Variants in ITGA2 observed in about 807,000 individuals in gnomAD.
The protein encoded by ITGA2 is integrin subunit alpha 2.
A neutral mutation model predicts 146.3 loss-of-function variants in ITGA2; 101 were observed. The observed-to-expected ratio is 0.69, with a 90% confidence interval of 0.59 to 0.81. The LOEUF (loss-of-function observed/expected upper bound fraction) is 0.81, where lower values mean the gene tolerates loss of function less well. Ranked by LOEUF, ITGA2 falls within the 40% of genes least tolerant of loss-of-function variation. ITGA2 has a pLI of 0.00. For synonymous variants in ITGA2, 477 were observed against 487.1 expected (o/e 0.98, Z 0.27); for missense variants, 1,281 against 1,402.7 (o/e 0.91, Z 1.39).
chr5:53,072,101 T>A, intron 18 of ITGA2, 53 bp downstream of exon 18: 1 of 1,216,276 alleles, frequency 8.2e-7, no homozygotes, highest in Non-Finnish European at 1.2e-6. Context: ...AGTTCCACAG[T>A]CACTGCAATA....
chr5:53,040,568 C>T (rs1014681219), intron 2 of ITGA2, among the ~76,000 whole-genome samples: 8 of 152,126 alleles, frequency 5.3e-5, no homozygotes, highest in Admixed American at 5.2e-4. Context: ...ACCTATCTGC[C>T]TGGTATTATT....
chr5:53,053,580 A>G (rs992502513), intron 7 of ITGA2, among the ~76,000 whole-genome samples: 1 of 152,164 alleles, frequency 6.6e-6, no homozygotes, highest in Non-Finnish European at 1.5e-5. Context: ...GACAATGGCC[A>G]CTGTCCATTG....
intron 1 of ITGA2, among the ~76,000 whole-genome samples, chr5:53,023,143 C>A (rs1227007334): frequency 1.3e-5 from 2 of 152,214 alleles, no homozygotes; most frequent in Non-Finnish European, 2.9e-5. Context: ...AAGATTTATA[C>A]TCTGGGTGAT....
At chr5:53,082,606 C>T (rs3212621) in intron 26 of ITGA2, among the ~76,000 whole-genome samples, 25,096 of 152,052 alleles carry the variant, frequency 0.17, 2,134 homozygotes, top group South Asian at 0.19. Flanking sequence ...CACACAGCCT[C>T]CCCCACTATC....
Position 53,070,239 on chromosome 5 carries a change from C to G in ITGA2, c.2214C>G (p.Pro738=), listed in dbSNP as rs142557473. ...NMVVNQAQSC[P]EHIIYIQEPS... is the part of the protein sequence containing the mutation. The stretch of plus-strand genomic sequence containing the variant: ...TAGTAAATCAAGCACAGAGTTGCCC[C>G]GAGCACATCATTTATATACAGGTAA... Residue 738 remains proline, a synonymous_variant, in exon 17 of 30, where the codon CCC becomes CCG. Coordinates refer to ENST00000296585, the MANE Select transcript of ITGA2 (RefSeq NM_002203.4). 5 of 1,611,690 alleles carry G rather than the reference C, an allele frequency of 3.1e-6. No individual in the cohort carries two copies. Among genetic ancestry groups the G allele is most frequent in the South Asian group, 2.2e-5 (2 of 91,044 alleles).
rs1740541405 is a variant in ITGA2 at position 53,093,524 on chromosome 5, G to C, written c.*2925G>C. Reference sequence around the variant, plus strand: ...CCTGGCCTCTAGCTACCCGATGCCAGAGCATGCTCCCCCCGCAGTCATGAC... The same window carrying C: ...CCTGGCCTCTAGCTACCCGATGCCACAGCATGCTCCCCCCGCAGTCATGAC... On this transcript the variant is annotated 3_prime_UTR_variant, in exon 30 of 30. Transcript: ENST00000296585. 1 of 152,028 alleles carries C rather than the reference G, an allele frequency of 6.6e-6. No homozygotes were observed. Among genetic ancestry groups the C allele is most frequent in the African/African-American group, 2.4e-5 (1 of 41,342 alleles). The allele number at this position is 152,028 out of a possible 1,614,324, so 9.4% of individuals were successfully genotyped here.
chr5:53,091,622 C>G lies in ITGA2; in HGVS notation c.*1023C>G, dbSNP rs1198768185. On this transcript the variant is annotated 3_prime_UTR_variant, in exon 30 of 30. Coordinates refer to ENST00000296585, the MANE Select transcript of ITGA2 (RefSeq NM_002203.4). The stretch of plus-strand genomic sequence containing the variant: ...TTCTCTCCAGCGGTCCAAAGTTATC[C>G]CCTCCTTTACCCCTCATCCAAAGTT... 1 of 152,188 alleles carries G rather than the reference C, an allele frequency of 6.6e-6. No homozygotes were observed. The highest frequency in any genetic ancestry group is 2.4e-5 in the African/African-American group (1 of 41,420). 9.4% of individuals were successfully genotyped at this position (152,188 alleles called of 1,614,324 possible).
intron 1 of ITGA2, among the ~76,000 whole-genome samples, chr5:53,009,192 ATAG>A (rs1742001186): frequency 6.6e-6 from 1 of 152,168 alleles, no homozygotes; most frequent in Non-Finnish European, 1.5e-5. Context: ...GCCCAGGTAA[ATAG>A]TAGTCAGGGC....
At chr5:53,035,998 T>G (rs1425059172) in intron 2 of ITGA2, among the ~76,000 whole-genome samples, 3 of 152,130 alleles carry the variant, frequency 2.0e-5, no homozygotes, top group Non-Finnish European at 4.4e-5. Context: ...AGTGACTAGT[T>G]TCTTTTAGCT....
intron 1 of ITGA2, among the ~76,000 whole-genome samples, chr5:52,991,433 CAT>C (rs752401916): frequency 1.1e-4 from 17 of 152,076 alleles, no homozygotes; most frequent in South Asian, 4.2e-4. Flanking sequence ...CACACACACA[CAT>C]AACTGTTATA....
rs773817683 is a variant in ITGA2, at chr5:53,081,596, G to T, written c.3044G>T (p.Gly1015Val). 1 of 1,607,562 alleles carries T rather than the reference G, an allele frequency of 6.2e-7. No homozygotes were observed. Among genetic ancestry groups the T allele is most frequent in the East Asian group, 2.2e-5 (1 of 44,730 alleles). Reference sequence around the variant, plus strand: ...TCGGGTGTTCTTCTTTTATAGGCTGGTGACATCAGTTGTAATGCAGATATC... The same window carrying T: ...TCGGGTGTTCTTCTTTTATAGGCTGTTGACATCAGTTGTAATGCAGATATC... Reference protein sequence around the residue: ...YLTGVQTDKAGDISCNADINP... With the variant: ...YLTGVQTDKAVDISCNADINP... Residue 1015 changes from glycine (G) to valine (V), a missense_variant, in exon 26 of 30, where the codon GGT (glycine) becomes GTT (valine). This residue lies in a region of ITGA2 where 475 missense variants were observed against 530.5 expected (regional missense o/e 0.90). Coordinates refer to ENST00000296585, the MANE Select transcript of ITGA2 (RefSeq NM_002203.4).
At chr5:53,062,257 A>T (rs1011627858) in intron 12 of ITGA2, among the ~76,000 whole-genome samples, 1 of 151,824 alleles carries the variant, frequency 6.6e-6, no homozygotes, top group African/African-American at 2.4e-5. Context: ...TTTGAATGAT[A>T]TTTTAACTTT....
At chr5:53,062,512 A>G (rs909343333) in intron 12 of ITGA2, among the ~76,000 whole-genome samples, 2 of 152,022 alleles carry the variant, frequency 1.3e-5, no homozygotes, top group Admixed American at 6.6e-5. Context: ...CATCCTAGAC[A>G]TTACTTCAGA....
At chr5:53,049,340 T>A (rs1259750566) in intron 6 of ITGA2, among the ~76,000 whole-genome samples, 4 of 152,144 alleles carry the variant, frequency 2.6e-5, no homozygotes, top group African/African-American at 9.6e-5. Context: ...CTTCCTTTAG[T>A]TTCCTGTCTT....
At chr5:53,007,882 G>A (rs1008772612) in intron 1 of ITGA2, among the ~76,000 whole-genome samples, 2 of 152,162 alleles carry the variant, frequency 1.3e-5, no homozygotes, top group Non-Finnish European at 2.9e-5. Context: ...TCCAGGACTT[G>A]ATGCAGTTAC....
intron 23 of ITGA2, 63 bp downstream of exon 23, chr5:53,075,367 C>T (rs1413592947): frequency 7.4e-7 from 1 of 1,344,044 alleles, no homozygotes; most frequent in African/African-American, 1.4e-5. Context: ...AGATTTTTGG[C>T]TCATGGCTAA....
chr5:53,047,640 A>G (rs903299528), intron 4 of ITGA2, among the ~76,000 whole-genome samples: 2 of 152,210 alleles, frequency 1.3e-5, no homozygotes, highest in Admixed American at 1.3e-4. Context: ...TTTACAAATT[A>G]GGGAATCTGG....
chr5:53,034,517 A>AT (rs113049228), intron 2 of ITGA2, among the ~76,000 whole-genome samples: 10,611 of 152,230 alleles, frequency 0.07, 596 homozygotes, highest in African/African-American at 0.15. Flanking sequence ...AAACACATGA[A>AT]TACATACACA....
intron 1 of ITGA2, among the ~76,000 whole-genome samples, chr5:53,002,346 A>G (rs1397448628): frequency 6.6e-6 from 1 of 152,098 alleles, no homozygotes; most frequent in Non-Finnish European, 1.5e-5. Context: ...GATTTTCTTT[A>G]TAAAGTTGAA....
Sources: allele counts gnomAD v4.1 joint callset (sites outside exome capture counted in the v4.1 genomes callset), GRCh38; gene constraint gnomAD v4.1.1; regional missense constraint gnomAD v4.1.1; transcripts MANE v1.5; gene names NCBI Gene and HGNC (gene_info 2026-07-23, HGNC 2026-07-21).